The following MYCBP2 variants were observed in gnomAD, a reference collection of about 807,000 sequenced individuals.
The protein encoded by MYCBP2 is E3 ubiquitin-protein ligase MYCBP2.
MYCBP2 carries 120 observed loss-of-function variants against 525.3 expected under a neutral mutation model. That is an observed-to-expected ratio of 0.23 (90% CI 0.20 to 0.27). The LOEUF is 0.27. Ranked by LOEUF, MYCBP2 falls within the 10% of genes least tolerant of loss-of-function variation. MYCBP2 has a pLI of 1.00. For synonymous variants in MYCBP2, 1,894 were observed against 1,955.8 expected (o/e 0.97, Z 0.83); for missense variants, 4,149 against 5,657.1 (o/e 0.73, Z 8.55).
At chr13:77,158,150 A>C (rs1334356289) in intron 44 of MYCBP2, 41 bp from the exon 45 acceptor site, 3 of 1,339,456 alleles carry the variant, frequency 2.2e-6, no homozygotes, top group Non-Finnish European at 2.0e-6. Context: ...CTTAAAAATA[A>C]AACTTTAATT....
rs750967709 is a variant in MYCBP2 at position 77,270,288 on chromosome 13, C to T, written c.1188+8G>A. On this transcript the variant is annotated splice_region_variant and intron_variant, in intron 6 of 82. Transcript: ENST00000544440. ...GTATAATTAAGGAACTGTAAGGAATCACATTACCCTAACTGTTCCACTGTA... is the reference window on the plus strand; with the variant it reads ...GTATAATTAAGGAACTGTAAGGAATTACATTACCCTAACTGTTCCACTGTA... 3 of 1,600,000 alleles carry T rather than the reference C, an allele frequency of 1.9e-6. No individual in the cohort carries two copies. Among genetic ancestry groups the T allele is most frequent in the Non-Finnish European group, 2.6e-6 (3 of 1,172,286 alleles).
At chr13:77,183,558 T>TTG (rs2060438388) in intron 32 of MYCBP2, among the ~76,000 whole-genome samples, 1 of 130,988 alleles carries the variant, frequency 7.6e-6, no homozygotes, top group African/African-American at 2.8e-5. Context: ...TTTTTTTTTT[T>TTG]TTTTTTTTTT....
chr13:77,249,681 C>G (rs546739364), intron 15 of MYCBP2, among the ~76,000 whole-genome samples: 2 of 152,238 alleles, frequency 1.3e-5, no homozygotes, highest in East Asian at 1.9e-4. Context: ...AGACATGGGC[C>G]ACTACACCCA....
chr13:77,051,749 T>C (rs2036864536), intron 81 of MYCBP2, 62 bp downstream of exon 81: 11 of 1,252,036 alleles, frequency 8.8e-6, no homozygotes, highest in Non-Finnish European at 1.1e-5. Context: ...CATATTATTG[T>C]TTAAAAAATA....
intron 68 of MYCBP2, among the ~76,000 whole-genome samples, chr13:77,073,337 C>G (rs2041712965): frequency 6.6e-6 from 1 of 152,018 alleles, no homozygotes; most frequent in Non-Finnish European, 1.5e-5. Flanking sequence ...AAAAAAGAAT[C>G]CATTCTGATA....
intron 18 of MYCBP2, among the ~76,000 whole-genome samples, chr13:77,228,806 A>G (rs2066715966): frequency 1.3e-5 from 2 of 152,032 alleles, no homozygotes; most frequent in African/African-American, 4.8e-5. Context: ...GTATGTACAC[A>G]TTATATATAA....
intron 55 of MYCBP2, among the ~76,000 whole-genome samples, chr13:77,100,802 T>C (rs2046956996): frequency 6.6e-6 from 1 of 152,068 alleles, no homozygotes; most frequent in South Asian, 2.1e-4. Context: ...GTTTTATAAA[T>C]ACAGTATTAA....
At chr13:77,317,028 C>T (rs550483462) in intron 1 of MYCBP2, among the ~76,000 whole-genome samples, 3 of 152,154 alleles carry the variant, frequency 2.0e-5, no homozygotes, top group East Asian at 1.9e-4. Context: ...CGGCTCACTG[C>T]AACCTCCACA....
chr13:77,098,781 G>A lies in MYCBP2; in HGVS notation c.8373C>T (p.Asn2791=), dbSNP rs778856342. 6.2e-6 allele frequency: 10 copies of A among 1,613,440 alleles called. No homozygotes were observed. The highest frequency in any genetic ancestry group is 1.7e-5 in the Admixed American group (1 of 59,906). The change falls in exon 56 of 83, where the codon AAC becomes AAT. Residue 2791 remains asparagine (N), a synonymous_variant. Transcript: ENST00000544440. ...ATTTCAATGTCTGCAAGGTGTTATG[G>A]TTGGGGGATAATGACCTACTGTGGG... ...SDSHSRSLSP[N]HNTLQTLKSD... is the part of the protein sequence containing the mutation.
chr13:77,243,845 C>A lies in MYCBP2; in HGVS notation c.2488G>T (p.Asp830Tyr). 1 of 1,613,278 alleles carries A rather than the reference C, an allele frequency of 6.2e-7. No individual in the cohort carries two copies. Among genetic ancestry groups the A allele is most frequent in the African/African-American group, 1.3e-5 (1 of 74,840 alleles). The change falls in exon 16 of 83, where the codon GAT (aspartate) becomes TAT (tyrosine). Residue 830 changes from aspartate to tyrosine, a missense_variant. Transcript: ENST00000544440. ...GQEARQRGILDAVKEMIPLDL... is the reference protein window; with the variant it reads ...GQEARQRGILYAVKEMIPLDL... Reference sequence around the variant, plus strand: ...AAAGGTATCATTTCTTTCACTGCATCAAGAATTCCTCTTTGTCTTGCCTCT... The same window carrying A: ...AAAGGTATCATTTCTTTCACTGCATAAAGAATTCCTCTTTGTCTTGCCTCT...
chr13:77,248,339 G>T (rs1310416225), intron 15 of MYCBP2, among the ~76,000 whole-genome samples: 1 of 151,890 alleles, frequency 6.6e-6, no homozygotes, highest in Admixed American at 6.6e-5. Context: ...CCCACAGACA[G>T]AACTTTTTAT....
chr13:77,078,852 G>T lies in MYCBP2; in HGVS notation c.11456C>A (p.Ala3819Glu). The T allele has an allele frequency of 6.2e-7, 1 of 1,613,594 alleles. No homozygotes were observed. The highest frequency in any genetic ancestry group is 8.5e-7 in the Non-Finnish European group (1 of 1,179,654). The change falls in exon 66 of 83, where the codon GCA becomes GAA. Residue 3819 changes from alanine (A) to glutamate (E), a missense_variant. By Grantham distance (107) the Ala-to-Glu change is moderately radical. This residue lies in a region of MYCBP2 where 509 missense variants were observed against 789.4 expected (regional missense o/e 0.64). Transcript: ENST00000544440. The stretch of plus-strand genomic sequence containing the variant: ...CTTTATTCTGCACAAATCTTCTACT[G>T]CTTTGCCAGTTAAGAAGGTCATTGA... Reference protein sequence around the residue: ...VTSMTFLTGKAVEDLCRIKQV... With the variant: ...VTSMTFLTGKEVEDLCRIKQV...
rs563228167 is a variant in MYCBP2, at chr13:77,098,391, G to A, written c.8763C>T (p.Pro2921=). ...SPGSENRAPS[P]HVVQENLHSE... is the part of the protein sequence containing the mutation. ...TGTGGAGGTTTTCCTGTACCACATGGGGAGAGGGAGCTCTATTTTCAGATC... is the reference window on the plus strand; with the variant it reads ...TGTGGAGGTTTTCCTGTACCACATGAGGAGAGGGAGCTCTATTTTCAGATC... The change falls in exon 56 of 83, where the codon CCC becomes CCT. Residue 2921 remains proline, a synonymous_variant. Transcript: ENST00000544440. 59 of 1,613,538 alleles carry A rather than the reference G, an allele frequency of 3.7e-5. 1 individual carries two copies. In the East Asian group the frequency reaches 1.3e-3, roughly 35 times the overall value.
At chr13:77,184,988 T>C in intron 32 of MYCBP2, 115 bp downstream of exon 32, 1 of 1,023,236 alleles carries the variant, frequency 9.8e-7, no homozygotes, top group East Asian at 2.6e-5. Context: ...ACCGAATGAT[T>C]TCCTAATTTA....
intron 18 of MYCBP2, among the ~76,000 whole-genome samples, chr13:77,232,284 T>A (rs1254558977): frequency 6.6e-6 from 1 of 152,206 alleles, no homozygotes; most frequent in African/African-American, 2.4e-5. Flanking sequence ...TTTTTAAAAC[T>A]TCCTATTCTA....
At chr13:77,187,826 C>T (rs2060876174) in intron 30 of MYCBP2, among the ~76,000 whole-genome samples, 1 of 151,882 alleles carries the variant, frequency 6.6e-6, no homozygotes, top group African/African-American at 2.4e-5. Context: ...GCGGGTGGGT[C>T]ATGAGGTCAG....
intron 55 of MYCBP2, among the ~76,000 whole-genome samples, chr13:77,120,309 T>G (rs890053236): frequency 1.3e-5 from 2 of 152,126 alleles, no homozygotes; most frequent in African/African-American, 2.4e-5. Context: ...CCCAATCCTA[T>G]GAGATAGGCT....
chr13:77,101,170 ATC>A (rs2154133107), intron 55 of MYCBP2, among the ~76,000 whole-genome samples: 1 of 152,208 alleles, frequency 6.6e-6, no homozygotes, highest in Non-Finnish European at 1.5e-5. Flanking sequence ...CATAATGGGA[ATC>A]TAGACAAACA....
chr13:77,215,067 G>A (rs962724986), intron 21 of MYCBP2, among the ~76,000 whole-genome samples: 6 of 152,172 alleles, frequency 3.9e-5, no homozygotes, highest in African/African-American at 1.4e-4. Flanking sequence ...GGAATGAAAG[G>A]TGTGGGGAGG....
Sources: gnomAD v4.1 joint callset for allele counts (sites outside exome capture counted in the v4.1 genomes callset) on GRCh38, gnomAD v4.1.1 for gene constraint, gnomAD v4.1.1 regional missense constraint, MANE v1.5 for transcripts, NCBI Gene and HGNC (gene_info 2026-07-23, HGNC 2026-07-21) for gene names.